The following PTPN4 variants were observed in gnomAD, a reference collection of about 807,000 sequenced individuals.
The protein encoded by PTPN4 is tyrosine-protein phosphatase non-receptor type 4.
PTPN4 carries 49 observed loss-of-function variants against 135.5 expected under a neutral mutation model. The observed-to-expected ratio is 0.36, with a 90% CI of 0.29 to 0.46. PTPN4 has a LOEUF of 0.46. PTPN4 is among the 20% of genes least tolerant of loss of function. The pLI is 1.00. For missense variants in PTPN4, 860 were observed against 1,101.0 expected, an observed-to-expected ratio of 0.78 and a Z score of 3.10; for synonymous variants, 333 against 369.9, an observed-to-expected ratio of 0.90 and a Z score of 1.14.
chr2:119,902,990 C>G (rs1037610738), intron 10 of PTPN4, among the ~76,000 whole-genome samples: 9 of 152,140 alleles, frequency 5.9e-5, no homozygotes, highest in African/African-American at 1.9e-4. Context: ...CCCAGTAGCT[C>G]CTGCATTTCC....
chr2:119,869,019 T>C (rs540963885), intron 3 of PTPN4, among the ~76,000 whole-genome samples: 1 of 152,312 alleles, frequency 6.6e-6, no homozygotes, highest in East Asian at 1.9e-4. Flanking sequence ...AATGAAAACA[T>C]GTCTCATAAA....
chr2:119,781,253 G>A (rs895653974), intron 1 of PTPN4, among the ~76,000 whole-genome samples: 2 of 152,090 alleles, frequency 1.3e-5, no homozygotes, highest in African/African-American at 4.8e-5. Flanking sequence ...TTTTAGTGAG[G>A]AATAGTATAT....
intron 1 of PTPN4, among the ~76,000 whole-genome samples, chr2:119,795,269 C>T (rs1334103544): frequency 6.6e-6 from 1 of 152,208 alleles, no homozygotes; most frequent in Admixed American, 6.5e-5. Flanking sequence ...CAGCCCAGCC[C>T]CCAGGCTTCA....
chr2:119,960,127 G>C (rs1247151862), intron 22 of PTPN4, among the ~76,000 whole-genome samples: 1 of 152,054 alleles, frequency 6.6e-6, no homozygotes, highest in Non-Finnish European at 1.5e-5. Flanking sequence ...TACCTTCCTG[G>C]CTGCAAACTA....
intron 2 of PTPN4, among the ~76,000 whole-genome samples, chr2:119,835,212 TCTCA>T (rs1371619686): frequency 6.6e-6 from 1 of 151,998 alleles, no homozygotes; most frequent in Non-Finnish European, 1.5e-5. Flanking sequence ...TGAGACAGAG[TCTCA>T]CTCTGTCGCT....
At chr2:119,801,925 C>A (rs1276580321) in intron 1 of PTPN4, among the ~76,000 whole-genome samples, 1 of 78,820 alleles carries the variant, frequency 1.3e-5, no homozygotes, top group African/African-American at 4.5e-5. Flanking sequence ...TTTTTTGAGG[C>A]AGTCTTATTC....
intron 1 of PTPN4, among the ~76,000 whole-genome samples, chr2:119,776,399 CT>C (rs1558722008): frequency 6.6e-6 from 1 of 152,202 alleles, no homozygotes; most frequent in Non-Finnish European, 1.5e-5. Flanking sequence ...TGGTCTCAAT[CT>C]CCTGACCTTG....
intron 11 of PTPN4, among the ~76,000 whole-genome samples, chr2:119,918,990 G>T (rs1292260070): frequency 6.6e-6 from 1 of 152,180 alleles, no homozygotes; most frequent in East Asian, 1.9e-4. Context: ...TTGATTCCAT[G>T]TATGTACAAT....
intron 2 of PTPN4, among the ~76,000 whole-genome samples, chr2:119,842,459 C>T (rs897923413): frequency 6.6e-6 from 1 of 152,008 alleles, no homozygotes; most frequent in African/African-American, 2.4e-5. Flanking sequence ...TCTGTATATC[C>T]AGCTTTATAA....
In PTPN4 at chr2:119,920,146, A is replaced by G; in HGVS notation, c.906A>G (p.Val302=). ...RACKNLWKAC[V]EHHTFFRLDR... ...GTAAAAATTTGTGGAAAGCATGTGT[A>G]GAACATCACACATTCTTCCGTTTGG... Residue 302 remains valine (V), a synonymous_variant, in exon 12 of 27, where the codon GTA becomes GTG. Coordinates refer to ENST00000263708, the MANE Select transcript of PTPN4 (RefSeq NM_002830.4). The G allele has an allele frequency of 1.2e-6, 2 of 1,613,696 alleles. No individual in the cohort carries two copies. The highest frequency in any genetic ancestry group is 1.7e-6 in the Non-Finnish European group (2 of 1,179,814).
intron 1 of PTPN4, among the ~76,000 whole-genome samples, chr2:119,766,449 C>CGCTCGTGTGT (rs1209819421): frequency 3.8e-5 from 5 of 130,996 alleles, no homozygotes; most frequent in African/African-American, 1.6e-4. Flanking sequence ...CATGTGCGCG[C>CGCTCGTGTGT]GTGTGTGTGT....
chr2:119,779,746 C>A (rs576184542), intron 1 of PTPN4, among the ~76,000 whole-genome samples: 8 of 151,592 alleles, frequency 5.3e-5, no homozygotes, highest in African/African-American at 1.9e-4. Flanking sequence ...TGAAATAATT[C>A]TTTTATTTTT....
At chr2:119,868,862 A>G (rs1677869569) in intron 3 of PTPN4, among the ~76,000 whole-genome samples, 1 of 152,162 alleles carries the variant, frequency 6.6e-6, no homozygotes, top group Admixed American at 6.6e-5. Context: ...GAAGGCTGTG[A>G]GACCCCTGAT....
intron 15 of PTPN4, among the ~76,000 whole-genome samples, chr2:119,936,697 T>TA (rs1404699203): frequency 1.3e-5 from 2 of 152,172 alleles, no homozygotes; most frequent in Non-Finnish European, 2.9e-5. Flanking sequence ...AATGGACTAA[T>TA]ACATTTGCCA....
chr2:119,861,364 C>G (rs1052978484), intron 2 of PTPN4, among the ~76,000 whole-genome samples: 1 of 152,078 alleles, frequency 6.6e-6, no homozygotes. Context: ...ATACCAGGGA[C>G]CAAATTTTCA....
intron 1 of PTPN4, chr2:119,791,119 C>A (rs1558726523): frequency 6.8e-6 from 1 of 147,124 alleles, no homozygotes; most frequent in African/African-American, 2.5e-5. Flanking sequence ...ATTTAGCTAT[C>A]TAATTACTCT....
chr2:119,810,802 A>G (rs1284302480), intron 2 of PTPN4, among the ~76,000 whole-genome samples: 2 of 152,168 alleles, frequency 1.3e-5, no homozygotes, highest in Non-Finnish European at 2.9e-5. Context: ...TTGCACATTT[A>G]CTTTATGTTT....
At chr2:119,953,913 A>G (rs190004969) in intron 19 of PTPN4, among the ~76,000 whole-genome samples, 35 of 152,284 alleles carry the variant, frequency 2.3e-4, no homozygotes, top group African/African-American at 7.7e-4. Flanking sequence ...CTTTTGCTTT[A>G]TAGTATGAGA....
intron 13 of PTPN4, among the ~76,000 whole-genome samples, chr2:119,928,065 T>C (rs1355279354): frequency 6.6e-6 from 1 of 152,220 alleles, no homozygotes; most frequent in African/African-American, 2.4e-5. Context: ...GATTTTTCTA[T>C]GCATATACTC....
Sources: allele counts gnomAD v4.1 joint callset (sites outside exome capture counted in the v4.1 genomes callset), GRCh38; gene constraint gnomAD v4.1.1; transcripts MANE v1.5; gene names NCBI Gene and HGNC (gene_info 2026-07-23, HGNC 2026-07-21).